Variants in KANSL1 observed in about 807,000 individuals in gnomAD.
KANSL1 encodes MLL1/MLL complex subunit KANSL1.
A neutral mutation model predicts 103.6 loss-of-function variants in KANSL1; 22 were observed. The ratio of observed to expected loss-of-function variants is 0.21; its 90% CI spans 0.15 to 0.30. The LOEUF (loss-of-function observed/expected upper bound fraction) is 0.30, where lower values mean the gene tolerates loss of function less well. KANSL1 is among the 10% of genes least tolerant of loss of function. The pLI, the probability that KANSL1 is intolerant of heterozygous loss-of-function variation, is 1.00. For synonymous variants in KANSL1, 600 were observed against 527.6 expected (o/e 1.14, Z -1.88); for missense variants, 1,337 against 1,399.8 (o/e 0.96, Z 0.72).
At chr17:46,095,851 A>G (rs984432872) in intron 2 of KANSL1, among the ~76,000 whole-genome samples, 5 of 152,222 alleles carry the variant, frequency 3.3e-5, no homozygotes, top group Non-Finnish European at 7.3e-5. Flanking sequence ...GACAATCTTA[A>G]CAGAAATAGG....
chr17:46,125,046 A>AGGAGGGAGGGAGGAG (rs2147221891), intron 2 of KANSL1, among the ~76,000 whole-genome samples: 1 of 59,488 alleles, frequency 1.7e-5, no homozygotes, highest in Admixed American at 2.8e-4. Context: ...GGAGGGAGGG[A>AGGAGGGAGGGAGGAG]GGAGGGAGGG....
At chr17:46,146,832 C>CAAAAAAAAA (rs1023164178) in intron 2 of KANSL1, among the ~76,000 whole-genome samples, 1 of 37,320 alleles carries the variant, frequency 2.7e-5, no homozygotes, top group Non-Finnish European at 6.1e-5. Context: ...GACTCCGTCT[C>CAAAAAAAAA]AAAAAAAAAA....
intron 1 of KANSL1, chr17:46,192,524 A>G (rs2047387855): frequency 1.3e-5 from 2 of 152,810 alleles, no homozygotes; most frequent in Admixed American, 6.5e-5. Context: ...TTTTACGGGA[A>G]TAAATCATGT....
At chr17:46,097,721 C>G (rs2042145538) in intron 2 of KANSL1, among the ~76,000 whole-genome samples, 2 of 152,176 alleles carry the variant, frequency 1.3e-5, no homozygotes, top group Admixed American at 1.3e-4. Flanking sequence ...AGCCCTCAGC[C>G]CCACTTCCCA....
chr17:46,116,175 T>C (rs970613298), intron 2 of KANSL1, among the ~76,000 whole-genome samples: 1 of 152,230 alleles, frequency 6.6e-6, no homozygotes, highest in African/African-American at 2.4e-5. Context: ...GTTAGTTATT[T>C]AGATTTTATT....
In KANSL1 at chr17:46,032,203, G is replaced by A; in HGVS notation, c.2934C>T (p.His978=). ...QPASPDVSSS[H]SLSEYSHGQS... ...GACCATGGGAGTATTCTGACAAAGA[G>A]TGGCTACTGCTGACATCAGGGGAGG... is the stretch of plus-strand genomic sequence containing the variant. The change falls in exon 14 of 15, where the codon CAC becomes CAT. Residue 978 remains histidine (H), a synonymous_variant. Transcript: ENST00000432791. 1 of 1,606,078 alleles carries A rather than the reference G, an allele frequency of 6.2e-7. No individual in the cohort carries two copies. The highest frequency in any genetic ancestry group is 1.1e-5 in the South Asian group (1 of 90,108).
intron 2 of KANSL1, chr17:46,148,241 C>G (rs56412706): frequency 6.6e-6 from 1 of 152,192 alleles, no homozygotes; most frequent in Non-Finnish European, 1.5e-5. Context: ...ACCGCTCCCC[C>G]GAAAGAAAGC....
rs752970194 is a variant in KANSL1, at chr17:46,170,858, G to A, written c.1286C>T (p.Pro429Leu). 6.3e-7 allele frequency: 1 copy of A among 1,598,956 alleles called. No individual in the cohort carries two copies. Among genetic ancestry groups the A allele is most frequent in the South Asian group, 1.1e-5 (1 of 89,940 alleles). ...TRADPEQRHV[P>L]LRRRSEWKWA... ...ATCATGCATGAGGTCTACTCACAGG[G>A]GTACATGACGCTGCTCGGGATCAGC... Residue 429 changes from proline to leucine, a missense_variant, in exon 2 of 15, where the codon CCC becomes CTC. Physicochemically the swap from Pro to Leu is moderately conservative, Grantham distance 98. This residue lies in a region of KANSL1 where 780 missense variants were observed against 923.4 expected (regional missense o/e 0.84). Coordinates refer to ENST00000432791, the MANE Select transcript of KANSL1 (RefSeq NM_015443.4).
chr17:46,053,539 C>T (rs1248395767), intron 6 of KANSL1, among the ~76,000 whole-genome samples: 1 of 151,882 alleles, frequency 6.6e-6, no homozygotes, highest in African/African-American at 2.4e-5. Context: ...TCACACCATT[C>T]TCCTGCCTCA....
chr17:46,149,898 TG>T (rs2044987408), intron 2 of KANSL1, among the ~76,000 whole-genome samples: 1 of 151,656 alleles, frequency 6.6e-6, no homozygotes, highest in Admixed American at 6.6e-5. Flanking sequence ...GGCGGGCGCC[TG>T]TAATCCCAGC....
chr17:46,103,306 A>G (rs570562772), intron 2 of KANSL1, among the ~76,000 whole-genome samples: 2 of 152,240 alleles, frequency 1.3e-5, no homozygotes, highest in Non-Finnish European at 2.9e-5. Flanking sequence ...AATTTCAACT[A>G]TCAACTTTTG....
chr17:46,084,292 G>T (rs1341133596), intron 3 of KANSL1, among the ~76,000 whole-genome samples: 1 of 152,130 alleles, frequency 6.6e-6, no homozygotes, highest in African/African-American at 2.4e-5. Context: ...TGAAGAAGGA[G>T]AATCGCTTGA....
chr17:46,151,706 C>T (rs974123389), intron 2 of KANSL1, among the ~76,000 whole-genome samples: 5 of 152,202 alleles, frequency 3.3e-5, no homozygotes, highest in Admixed American at 6.5e-5. Flanking sequence ...TTGTGAGTGA[C>T]GAGGAATATT....
At chr17:46,186,971 G>A (rs1209531069) in intron 1 of KANSL1, among the ~76,000 whole-genome samples, 1 of 152,056 alleles carries the variant, frequency 6.6e-6, no homozygotes, top group African/African-American at 2.4e-5. Context: ...CCTGACCTCA[G>A]GTGATCCGCC....
At chr17:46,113,708 A>G (rs2042921555) in intron 2 of KANSL1, among the ~76,000 whole-genome samples, 1 of 152,162 alleles carries the variant, frequency 6.6e-6, no homozygotes, top group South Asian at 2.1e-4. Flanking sequence ...CATCTGCATG[A>G]AGTCTACCCT....
chr17:46,038,260 G>T, intron 10 of KANSL1: 1 of 436,296 alleles, frequency 2.3e-6, no homozygotes, highest in Non-Finnish European at 4.1e-6. Flanking sequence ...AATAGTCACA[G>T]ATCACCTTAA....
intron 2 of KANSL1, among the ~76,000 whole-genome samples, chr17:46,150,309 A>G (rs1375088856): frequency 6.6e-6 from 1 of 152,088 alleles, no homozygotes; most frequent in African/African-American, 2.4e-5. Context: ...ACTACCACCT[A>G]GAACTAAAAT....
intron 3 of KANSL1, among the ~76,000 whole-genome samples, chr17:46,083,869 T>C (rs1286945180): frequency 6.6e-6 from 1 of 152,150 alleles, no homozygotes; most frequent in African/African-American, 2.4e-5. Context: ...CGACAGACTC[T>C]TATGAGCCAC....
At chr17:46,162,218 T>G (rs149709627) in intron 2 of KANSL1, among the ~76,000 whole-genome samples, 1 of 152,212 alleles carries the variant, frequency 6.6e-6, no homozygotes, top group Non-Finnish European at 1.5e-5. Flanking sequence ...CTGGTAAACA[T>G]GAAAGGGCAT....
Sources: allele counts gnomAD v4.1 joint callset (sites outside exome capture counted in the v4.1 genomes callset), GRCh38; gene constraint gnomAD v4.1.1; regional missense constraint gnomAD v4.1.1; transcripts MANE v1.5; gene names NCBI Gene and HGNC (gene_info 2026-07-23, HGNC 2026-07-21).